The following WWOX variants were observed in gnomAD, a reference collection of about 807,000 sequenced individuals.
WWOX encodes WW domain-containing oxidoreductase.
Under a neutral mutation model 46.2 loss-of-function variants are expected in WWOX, and 69 were observed. The observed-to-expected ratio is 1.49, with a 90% CI of 1.23 to 1.82. WWOX has a LOEUF of 1.82. WWOX is among the 40% of genes most tolerant of loss of function. The pLI, the probability that WWOX is intolerant of heterozygous loss-of-function variation, is 0.00. For synonymous variants in WWOX, 359 were observed against 202.6 expected (o/e 1.77, Z -6.56); for missense variants, 919 against 542.6 (o/e 1.69, Z -6.89).
chr16:78,805,259 G>A (rs976395620), intron 8 of WWOX, among the ~76,000 whole-genome samples: 2 of 152,046 alleles, frequency 1.3e-5, no homozygotes, highest in South Asian at 4.2e-4. Context: ...GCATATATAT[G>A]TATATTTTTT....
chr16:78,569,037 C>G (rs751569359), intron 8 of WWOX, among the ~76,000 whole-genome samples: 1 of 152,162 alleles, frequency 6.6e-6, no homozygotes, highest in Non-Finnish European at 1.5e-5. Context: ...ATTGGAGGCA[C>G]CTGGGTGTCA....
At chr16:79,082,311 C>T (rs1440161448) in intron 8 of WWOX, among the ~76,000 whole-genome samples, 2 of 152,120 alleles carry the variant, frequency 1.3e-5, no homozygotes, top group African/African-American at 4.8e-5. Flanking sequence ...CTGCTTCTTC[C>T]CAGGGTGTGA....
intron 6 of WWOX, among the ~76,000 whole-genome samples, chr16:78,401,501 T>C (rs868231439): frequency 4.6e-5 from 7 of 152,174 alleles, no homozygotes; most frequent in African/African-American, 1.7e-4. Context: ...CTGTATCTTG[T>C]AACCTGTATC....
At chr16:78,471,776 A>C (rs1010723127) in intron 8 of WWOX, among the ~76,000 whole-genome samples, 2 of 152,216 alleles carry the variant, frequency 1.3e-5, no homozygotes, top group African/African-American at 4.8e-5. Flanking sequence ...TAATCAAAAT[A>C]ATAACGATGA....
intron 5 of WWOX, among the ~76,000 whole-genome samples, chr16:78,373,215 C>T (rs780942674): frequency 1.3e-5 from 2 of 152,138 alleles, no homozygotes; most frequent in Admixed American, 6.5e-5. Context: ...ACTAGATCTA[C>T]CTTATGAGTT....
chr16:78,607,509 T>G (rs537190446), intron 8 of WWOX, among the ~76,000 whole-genome samples: 1 of 152,358 alleles, frequency 6.6e-6, no homozygotes, highest in South Asian at 2.1e-4. Context: ...AGGGCTGTAA[T>G]TTAGCAAAGT....
At chr16:78,726,041 CTT>C (rs2048823757) in intron 8 of WWOX, among the ~76,000 whole-genome samples, 1 of 138,588 alleles carries the variant, frequency 7.2e-6, no homozygotes, top group African/African-American at 2.7e-5. Flanking sequence ...CTCCTTTCTT[CTT>C]TCTTACTTTT....
chr16:78,287,168 A>G (rs13331073), intron 5 of WWOX, among the ~76,000 whole-genome samples: 36,109 of 152,224 alleles, frequency 0.24, 4,551 homozygotes, highest in East Asian at 0.4. Context: ...AAGGACAATA[A>G]AATAAAATAC....
chr16:78,909,670 C>T (rs1358269994), intron 8 of WWOX, among the ~76,000 whole-genome samples: 1 of 152,182 alleles, frequency 6.6e-6, no homozygotes, highest in Non-Finnish European at 1.5e-5. Context: ...CTGTGTCCAT[C>T]CCACTAATAT....
At chr16:78,562,366 G>A (rs930056327) in intron 8 of WWOX, among the ~76,000 whole-genome samples, 1 of 152,140 alleles carries the variant, frequency 6.6e-6, no homozygotes, top group African/African-American at 2.4e-5. Context: ...GTTACTATAC[G>A]ATCTAGTGTT....
intron 8 of WWOX, among the ~76,000 whole-genome samples, chr16:78,698,152 C>T (rs1192334203): frequency 1.3e-5 from 2 of 152,152 alleles, no homozygotes; most frequent in Non-Finnish European, 1.5e-5. Context: ...AAATTCTTTG[C>T]CCTAGGATGG....
intron 6 of WWOX, among the ~76,000 whole-genome samples, chr16:78,409,149 G>GT (rs1199283620): frequency 6.6e-6 from 1 of 152,150 alleles, no homozygotes; most frequent in Non-Finnish European, 1.5e-5. Context: ...CTCACTCCAG[G>GT]TAGGATGTGA....
intron 5 of WWOX, among the ~76,000 whole-genome samples, chr16:78,179,108 G>A (rs971295260): frequency 5.9e-5 from 9 of 152,060 alleles, no homozygotes; most frequent in Admixed American, 4.6e-4. Context: ...ACATTTTTGG[G>A]GAGACAGAAA....
At chr16:78,610,476 C>G (rs1381679221) in intron 8 of WWOX, among the ~76,000 whole-genome samples, 1 of 152,140 alleles carries the variant, frequency 6.6e-6, no homozygotes, top group Non-Finnish European at 1.5e-5. Context: ...TAAAAGGTCA[C>G]CTACAATACT....
At chr16:78,901,530 C>G (rs2044830942) in intron 8 of WWOX, among the ~76,000 whole-genome samples, 1 of 152,134 alleles carries the variant, frequency 6.6e-6, no homozygotes. Context: ...CTCTGTTGCC[C>G]AGGCTCGAGT....
intron 8 of WWOX, among the ~76,000 whole-genome samples, chr16:78,806,658 G>A (rs566544330): frequency 6.6e-6 from 1 of 152,182 alleles, no homozygotes; most frequent in Non-Finnish European, 1.5e-5. Context: ...CCAAGAGAAA[G>A]AACCAAGCAG....
intron 8 of WWOX, among the ~76,000 whole-genome samples, chr16:78,933,525 C>T (rs901856704): frequency 1.5e-4 from 23 of 152,326 alleles, no homozygotes; most frequent in Admixed American, 3.3e-4. Flanking sequence ...TAGGATACGT[C>T]GGAGGAGCCA....
chr16:78,543,577 G>C (rs1165676359), intron 8 of WWOX, among the ~76,000 whole-genome samples: 3 of 152,170 alleles, frequency 2.0e-5, no homozygotes, highest in Admixed American at 1.3e-4. Flanking sequence ...TTGAAGCACT[G>C]TATTGAGCAT....
At chr16:78,925,062 G>T (rs975348326) in intron 8 of WWOX, among the ~76,000 whole-genome samples, 8 of 152,168 alleles carry the variant, frequency 5.3e-5, no homozygotes, top group African/African-American at 1.7e-4. Context: ...AGGCATGGTG[G>T]TGTGTGCCTG....
Sources: allele counts gnomAD v4.1 joint callset (sites outside exome capture counted in the v4.1 genomes callset), GRCh38; gene constraint gnomAD v4.1.1; transcripts MANE v1.5; gene names NCBI Gene and HGNC (gene_info 2026-07-23, HGNC 2026-07-21).